ANTXR1: variants seen among roughly 807,000 people sequenced by gnomAD.
ANTXR1 encodes the protein anthrax toxin receptor 1.
In ANTXR1, 19 loss-of-function variants were observed where a neutral mutation model predicts 78.1. The observed-to-expected ratio is 0.24, with a 90% CI of 0.17 to 0.36. The LOEUF is 0.36. Ranked by LOEUF, ANTXR1 falls within the 10% of genes least tolerant of loss-of-function variation. The pLI is 1.00. For synonymous variants in ANTXR1, 273 were observed against 260.5 expected, an observed-to-expected ratio of 1.05 and a Z score of -0.46; for missense variants, 518 against 718.6, an observed-to-expected ratio of 0.72 and a Z score of 3.19.
intron 1 of ANTXR1, among the ~76,000 whole-genome samples, chr2:69,024,276 G>T (rs996763848): frequency 1.3e-5 from 2 of 152,172 alleles, no homozygotes; most frequent in Admixed American, 6.5e-5. Flanking sequence ...GTAGGCAGTT[G>T]GCTTGATACC....
At chr2:69,193,075 T>A (rs988165163) in intron 16 of ANTXR1, among the ~76,000 whole-genome samples, 1 of 152,140 alleles carries the variant, frequency 6.6e-6, no homozygotes, top group African/African-American at 2.4e-5. Flanking sequence ...CAAGTTATGT[T>A]TGCAAACTTG....
At position 69,146,255 on chromosome 2, in the gene ANTXR1, C is replaced by G. The variant is rs964768342; in HGVS notation, c.952-5914C>G. 6.1e-6 allele frequency: 6 copies of G among 985,288 alleles called. No homozygotes were observed. The African/African-American group carries it at 1.0e-4, about 17-fold the overall frequency. 61.0% of individuals were successfully genotyped at this position (985,288 alleles called of 1,614,324 possible). A position where few individuals can be genotyped will look rare whatever the true frequency, so the allele number is the denominator to read the frequency against. On this transcript the variant is annotated intron_variant, in intron 12 of 17. Transcript: ENST00000303714. ...CAGGAAGATGCAACCCCATGGGCTG[C>G]CTGCTTGACCACAGAAGTGCTTCCA... is the stretch of plus-strand genomic sequence containing the variant.
intron 16 of ANTXR1, among the ~76,000 whole-genome samples, chr2:69,184,781 T>C (rs1304198046): frequency 6.6e-6 from 1 of 152,210 alleles, no homozygotes; most frequent in African/African-American, 2.4e-5. Context: ...GTGCAGCTAC[T>C]GTGTGCCAGG....
intron 9 of ANTXR1, among the ~76,000 whole-genome samples, chr2:69,093,094 C>T (rs1031273895): frequency 6.6e-6 from 1 of 152,160 alleles, no homozygotes; most frequent in South Asian, 2.1e-4. Context: ...GAATTCCCTT[C>T]CTGTAGGCTC....
intron 12 of ANTXR1, among the ~76,000 whole-genome samples, chr2:69,137,453 T>C (rs532582939): frequency 1.3e-5 from 2 of 152,298 alleles, no homozygotes; most frequent in Non-Finnish European, 2.9e-5. Flanking sequence ...TCCTGGGTTA[T>C]TGAGGCTATT....
chr2:69,176,010 G>T (rs911784355), intron 14 of ANTXR1, among the ~76,000 whole-genome samples: 1 of 151,906 alleles, frequency 6.6e-6, no homozygotes, highest in Non-Finnish European at 1.5e-5. Flanking sequence ...CCACCCTGGA[G>T]GGATGAAGGG....
intron 13 of ANTXR1, among the ~76,000 whole-genome samples, chr2:69,154,123 T>C (rs994770722): frequency 6.6e-6 from 1 of 152,230 alleles, no homozygotes; most frequent in African/African-American, 2.4e-5. Flanking sequence ...AAAATAAACC[T>C]TTTGTTATTG....
intron 12 of ANTXR1, among the ~76,000 whole-genome samples, chr2:69,149,745 C>T (rs1320487242): frequency 1.3e-5 from 2 of 152,150 alleles, no homozygotes; most frequent in Admixed American, 6.5e-5. Context: ...TTTATCCCCA[C>T]GTCAATGCAG....
chr2:69,183,452 G>C (rs1036751757), intron 16 of ANTXR1, among the ~76,000 whole-genome samples: 10 of 151,916 alleles, frequency 6.6e-5, no homozygotes, highest in African/African-American at 2.4e-4. Context: ...ACCCAGGCTG[G>C]AGTGCAGTTG....
intron 12 of ANTXR1, among the ~76,000 whole-genome samples, chr2:69,137,572 G>A (rs1338596320): frequency 6.6e-6 from 1 of 152,054 alleles, no homozygotes; most frequent in African/African-American, 2.4e-5. Context: ...GTCATTGGGA[G>A]CCTGGGCAAC....
At chr2:69,037,904 T>G (rs1390992126) in intron 1 of ANTXR1, among the ~76,000 whole-genome samples, 1 of 152,052 alleles carries the variant, frequency 6.6e-6, no homozygotes, top group African/African-American at 2.4e-5. Flanking sequence ...GGCACGCTCC[T>G]TCCAGATCCC....
At chr2:69,201,085 G>A (rs1264427104) in intron 17 of ANTXR1, among the ~76,000 whole-genome samples, 1 of 152,132 alleles carries the variant, frequency 6.6e-6, no homozygotes, top group Admixed American at 6.5e-5. Flanking sequence ...ATTAATGAAT[G>A]AGCCCTGTCC....
At chr2:69,129,931 C>T (rs976610716) in intron 12 of ANTXR1, among the ~76,000 whole-genome samples, 12 of 152,160 alleles carry the variant, frequency 7.9e-5, no homozygotes, top group Non-Finnish European at 1.3e-4. Flanking sequence ...AGAAGTGGGA[C>T]GAGGCCATGC....
rs140463171 is a variant in ANTXR1 at position 69,226,312 on chromosome 2, G to A, written c.1435-18913G>A. ...ACTCCAGGGCTGATCTCTGTGAGCA[G>A]CCCCTGGGATCTAGCTCAGAGAGAC... On this transcript the variant is annotated intron_variant, in intron 17 of 17. Coordinates refer to ENST00000303714, the MANE Select transcript of ANTXR1 (RefSeq NM_032208.3). Among the ~76,000 whole-genome samples the A allele has an allele frequency of 6.7e-3, 1,019 of 152,258 alleles. 18 individuals carry two copies. The highest frequency in any genetic ancestry group is 0.023 in the African/African-American group (970 of 41,540).
chr2:69,224,311 G>T (rs939578079), intron 17 of ANTXR1, among the ~76,000 whole-genome samples: 7 of 152,186 alleles, frequency 4.6e-5, no homozygotes, highest in Non-Finnish European at 7.3e-5. Flanking sequence ...TGAAACAGAA[G>T]GTTGAGATCA....
At position 69,152,256 on chromosome 2, in the gene ANTXR1, T is replaced by C. The variant is rs771217917; in HGVS notation, c.1039T>C (p.Cys347Arg). The C allele has an allele frequency of 6.2e-7, 1 of 1,614,186 alleles. No homozygotes were observed. The highest frequency in any genetic ancestry group is 8.5e-7 in the Non-Finnish European group (1 of 1,180,008). Reference protein sequence around the residue: ...ALLWWFWPLCCTVIIKEVPPP... With the variant: ...ALLWWFWPLCRTVIIKEVPPP... Reference sequence around the variant, plus strand: ...CCTCTGGTGGTTCTGGCCCCTCTGCTGCACTGTGGTAAGTGCCCCAAACCT... The same window carrying C: ...CCTCTGGTGGTTCTGGCCCCTCTGCCGCACTGTGGTAAGTGCCCCAAACCT... Residue 347 changes from cysteine to arginine, a missense_variant, in exon 13 of 18, where the codon TGC (cysteine) becomes CGC (arginine). Around this residue, in one of 5 missense-constraint regions of ANTXR1, gnomAD observed 264 missense variants for 391.8 expected, o/e 0.67. Coordinates refer to ENST00000303714, the MANE Select transcript of ANTXR1 (RefSeq NM_032208.3).
intron 2 of ANTXR1, 26 bp from the exon 3 acceptor site, chr2:69,044,716 C>G (rs770179615): frequency 6.2e-7 from 1 of 1,612,220 alleles, no homozygotes; most frequent in South Asian, 1.1e-5. Flanking sequence ...ATTGTCTGTC[C>G]TAATAGAGCT....
At chr2:69,070,579 TA>T in intron 3 of ANTXR1, 67 bp from the exon 4 acceptor site, 2 of 1,415,566 alleles carry the variant, frequency 1.4e-6, no homozygotes, top group Non-Finnish European at 2.0e-6. Flanking sequence ...AGAAGACTAG[TA>T]CTTATGACTA....
chr2:69,122,716 GTA>G (rs1295039734), intron 10 of ANTXR1, among the ~76,000 whole-genome samples: 2 of 151,972 alleles, frequency 1.3e-5, no homozygotes, highest in Non-Finnish European at 2.9e-5. Flanking sequence ...TTTACATTAG[GTA>G]TATCTCCTAA....
Sources: allele counts gnomAD v4.1 joint callset (sites outside exome capture counted in the v4.1 genomes callset), GRCh38; gene constraint gnomAD v4.1.1; regional missense constraint gnomAD v4.1.1; transcripts MANE v1.5; gene names NCBI Gene and HGNC (gene_info 2026-07-23, HGNC 2026-07-21).